The following LGR5 variants were observed in gnomAD, a reference collection of about 807,000 sequenced individuals.
LGR5 encodes the protein leucine rich repeat containing G protein-coupled receptor 5, also known as leucine-rich repeat-containing G protein-coupled receptor 5.
LGR5 carries 54 observed loss-of-function variants against 76.7 expected under a neutral mutation model. The ratio of observed to expected loss-of-function variants is 0.70; its 90% CI spans 0.57 to 0.88. The LOEUF (loss-of-function observed/expected upper bound fraction) is 0.88, where lower values mean the gene tolerates loss of function less well. Among genes scored for constraint, LGR5 ranks in the 40% least tolerant of loss-of-function variants. LGR5 has a pLI of 0.00. For missense variants in LGR5, 1,078 were observed against 1,073.3 expected (o/e 1.00, Z -0.06); for synonymous variants, 406 against 421.9 (o/e 0.96, Z 0.46).
intron 5 of LGR5, among the ~76,000 whole-genome samples, chr12:71,554,901 T>G (rs1348230936): frequency 6.6e-6 from 1 of 152,190 alleles, no homozygotes; most frequent in Non-Finnish European, 1.5e-5. Context: ...CCCACATGTA[T>G]AATATAATAA....
intron 6 of LGR5, among the ~76,000 whole-genome samples, chr12:71,557,243 C>A (rs553735831): frequency 6.6e-6 from 1 of 152,264 alleles, no homozygotes; most frequent in South Asian, 2.1e-4. Flanking sequence ...TGTGACCATG[C>A]CACTGCACTC....
intron 2 of LGR5, among the ~76,000 whole-genome samples, chr12:71,512,348 G>A (rs1407260825): frequency 1.3e-5 from 2 of 152,194 alleles, no homozygotes; most frequent in African/African-American, 4.8e-5. Flanking sequence ...AACAATTAAT[G>A]AATTAATCAT....
chr12:71,567,879 C>T (rs926379861), intron 11 of LGR5, among the ~76,000 whole-genome samples: 2 of 151,978 alleles, frequency 1.3e-5, no homozygotes, highest in African/African-American at 2.4e-5. Flanking sequence ...TGAAGTGCAG[C>T]TACAGATAAG....
At chr12:71,468,960 C>A (rs1872974536) in intron 1 of LGR5, among the ~76,000 whole-genome samples, 1 of 151,804 alleles carries the variant, frequency 6.6e-6, no homozygotes, top group Non-Finnish European at 1.5e-5. Flanking sequence ...TAAATAGCCC[C>A]CCAAATATTA....
At chr12:71,508,551 C>A (rs1459480006) in intron 2 of LGR5, among the ~76,000 whole-genome samples, 1 of 151,914 alleles carries the variant, frequency 6.6e-6, no homozygotes, top group African/African-American at 2.4e-5. Flanking sequence ...GTCAAGAGAT[C>A]GAGACCATCC....
intron 1 of LGR5, among the ~76,000 whole-genome samples, chr12:71,442,355 A>G (rs1306892420): frequency 6.6e-6 from 1 of 152,152 alleles, no homozygotes; most frequent in Non-Finnish European, 1.5e-5. Flanking sequence ...AGAACAATCT[A>G]TCTATCTATA....
At chr12:71,490,603 A>C (rs1232632681) in intron 1 of LGR5, among the ~76,000 whole-genome samples, 1 of 152,086 alleles carries the variant, frequency 6.6e-6, no homozygotes, top group Non-Finnish European at 1.5e-5. Context: ...ATTTCCTAAC[A>C]CTAGGTCAGA....
intron 2 of LGR5, among the ~76,000 whole-genome samples, chr12:71,518,804 CA>C (rs1346424024): frequency 6.6e-6 from 1 of 152,052 alleles, no homozygotes; most frequent in African/African-American, 2.4e-5. Flanking sequence ...CACATGGACA[CA>C]TAGAGAAAAA....
chr12:71,486,619 C>CT lies in LGR5; in HGVS notation c.213-17989dup, dbSNP rs200078489. 1.1e-4 allele frequency among the ~76,000 whole-genome samples: 16 copies of CT among 152,096 alleles called. No homozygotes were observed. The East Asian group carries it at 2.9e-3, about 28-fold the overall frequency. ...TCAACATAAAAACAACTTTTTTTGTCTTTTTTACCATGTAGGGCACAATTG... is the reference window on the plus strand; with the variant it reads ...TCAACATAAAAACAACTTTTTTTGTCTTTTTTTACCATGTAGGGCACAATTG... On this transcript the variant is annotated intron_variant, in intron 1 of 17. Coordinates refer to ENST00000266674, the MANE Select transcript of LGR5 (RefSeq NM_003667.4).
intron 4 of LGR5, among the ~76,000 whole-genome samples, chr12:71,546,106 A>G (rs1402797145): frequency 2.0e-5 from 3 of 152,118 alleles, no homozygotes; most frequent in Non-Finnish European, 4.4e-5. Flanking sequence ...TGAGGTCAGG[A>G]GTTCAAGACC....
At chr12:71,573,069 G>T in intron 13 of LGR5, 148 bp downstream of exon 13, 3 of 564,216 alleles carry the variant, frequency 5.3e-6, no homozygotes, top group South Asian at 5.5e-5. Context: ...TTTTGCTTCT[G>T]GTAATTTCCA....
In LGR5 at chr12:71,440,301, T is replaced by G; in HGVS notation, c.212+9T>G. 1 of 1,606,618 alleles carries G rather than the reference T, an allele frequency of 6.2e-7. No homozygotes were observed. The highest frequency in any genetic ancestry group is 8.5e-7 in the Non-Finnish European group (1 of 1,178,408). Reference sequence around the variant, plus strand: ...GTCTTCACCTCCTACCTGTAAGTACTTCCCCACGTCACTCCGGGAGAGAGA... The same window carrying G: ...GTCTTCACCTCCTACCTGTAAGTACGTCCCCACGTCACTCCGGGAGAGAGA... On this transcript the variant is annotated intron_variant, in intron 1 of 17. Coordinates refer to ENST00000266674, the MANE Select transcript of LGR5 (RefSeq NM_003667.4). This position sits in a 1 kb window ranked among gnomAD's most constrained non-coding sequence, Gnocchi z 5.3.
Position 71,578,800 on chromosome 12 carries a change from G to T in LGR5, c.1281-4G>T. ...AAAGCCAATTGTTGTTTGATGTTTT[G>T]CAGGGACCTATCGTCCAACCTCCTG... On this transcript the variant is annotated splice_polypyrimidine_tract_variant and splice_region_variant and intron_variant, in intron 14 of 17. Transcript: ENST00000266674. 1 of 1,596,528 alleles carries T rather than the reference G, an allele frequency of 6.3e-7. No individual in the cohort carries two copies. Among genetic ancestry groups the T allele is most frequent in the Non-Finnish European group, 8.5e-7 (1 of 1,172,932 alleles).
At chr12:71,456,334 A>T (rs1489791476) in intron 1 of LGR5, among the ~76,000 whole-genome samples, 1 of 152,116 alleles carries the variant, frequency 6.6e-6, no homozygotes, top group Non-Finnish European at 1.5e-5. Context: ...CCTTTATTAG[A>T]TTTATTTTTC....
chr12:71,491,224 AGCAGTGTGAAAAT>A (rs1401383740), intron 1 of LGR5, among the ~76,000 whole-genome samples: 1 of 152,160 alleles, frequency 6.6e-6, no homozygotes, highest in Non-Finnish European at 1.5e-5. Context: ...ATTTCTTCAT[AGCAGTGTGAAAAT>A]GAACTAATAC....
At chr12:71,541,584 A>AAAAGACAC (rs1876884021) in intron 4 of LGR5, among the ~76,000 whole-genome samples, 1 of 152,228 alleles carries the variant, frequency 6.6e-6, no homozygotes, top group Admixed American at 6.5e-5. Context: ...AGAGAATGTG[A>AAAAGACAC]ATATTGCAAA....
intron 1 of LGR5, among the ~76,000 whole-genome samples, chr12:71,465,601 A>G (rs889522919): frequency 2.6e-5 from 4 of 152,188 alleles, no homozygotes; most frequent in African/African-American, 9.7e-5. Flanking sequence ...CTACCATGCT[A>G]GCTCAACTCC....
Position 71,584,351 on chromosome 12 carries a change from C to G in LGR5, c.2341C>G (p.Pro781Ala), listed in dbSNP as rs113809442. ...LLFTNCILNC[P>A]VAFLSFSSLI... ...CTTCACCAACTGCATCCTAAACTGC[C>G]CTGTGGCTTTCTTGTCCTTCTCCTC... Residue 781 changes from proline to alanine, a missense_variant, in exon 18 of 18, where the codon CCT (proline) becomes GCT (alanine). Coordinates refer to ENST00000266674, the MANE Select transcript of LGR5 (RefSeq NM_003667.4). The G allele has an allele frequency of 5.5e-3, 8,840 of 1,614,180 alleles. 115 individuals carry two copies. The highest frequency in any genetic ancestry group is 4.9e-3 in the Non-Finnish European group (5,782 of 1,180,010).
intron 3 of LGR5, among the ~76,000 whole-genome samples, chr12:71,525,719 AGTGT>A (rs1284269101): frequency 6.6e-6 from 1 of 151,750 alleles, no homozygotes; most frequent in Non-Finnish European, 1.5e-5. Context: ...TATATAAGCC[AGTGT>A]GTGTGTATCT....
Sources: gnomAD v4.1 joint callset for allele counts (sites outside exome capture counted in the v4.1 genomes callset) on GRCh38, gnomAD v4.1.1 for gene constraint, Gnocchi (gnomAD v3.1) non-coding constraint, MANE v1.5 for transcripts, NCBI Gene and HGNC (gene_info 2026-07-23, HGNC 2026-07-21) for gene names.